The following CLIC4 variants were observed in gnomAD, a reference collection of about 807,000 sequenced individuals.
CLIC4 encodes the protein chloride intracellular channel protein 4.
Under a neutral mutation model 24.6 loss-of-function variants are expected in CLIC4, and 13 were observed. The observed-to-expected ratio is 0.53, with a 90% CI of 0.34 to 0.84. The LOEUF (loss-of-function observed/expected upper bound fraction) is 0.84, where lower values mean the gene tolerates loss of function less well. Among genes scored for constraint, CLIC4 ranks in the 40% least tolerant of loss-of-function variants. The pLI, the probability that CLIC4 is intolerant of heterozygous loss-of-function variation, is 0.01. For synonymous variants in CLIC4, 104 were observed against 111.3 expected, an observed-to-expected ratio of 0.93 and a Z score of 0.41; for missense variants, 227 against 301.7, an observed-to-expected ratio of 0.75 and a Z score of 1.83.
At chr1:24,819,395 A>G (rs914212970) in intron 3 of CLIC4, among the ~76,000 whole-genome samples, 2 of 152,160 alleles carry the variant, frequency 1.3e-5, no homozygotes, top group Non-Finnish European at 2.9e-5. Flanking sequence ...TATACGTCTC[A>G]GTAGGGTACT....
chr1:24,831,128 C>T lies in CLIC4; in HGVS notation c.415+4012C>T, dbSNP rs76212801. On this transcript the variant is annotated intron_variant, in intron 4 of 5. Coordinates refer to ENST00000374379, the MANE Select transcript of CLIC4 (RefSeq NM_013943.3). ...TATGAAAAATTACTAACACCGTAGTCAGGTATAGCAATTCGACTTCATCAG... is the reference window on the plus strand; with the variant it reads ...TATGAAAAATTACTAACACCGTAGTTAGGTATAGCAATTCGACTTCATCAG... Among the ~76,000 whole-genome samples the T allele has an allele frequency of 4.7e-3, 710 of 152,280 alleles. 4 individuals are homozygous for T. The highest frequency in any genetic ancestry group is 0.016 in the African/African-American group (664 of 41,554).
intron 2 of CLIC4, among the ~76,000 whole-genome samples, chr1:24,807,522 G>A (rs542913864): frequency 2.0e-5 from 3 of 152,178 alleles, no homozygotes; most frequent in Admixed American, 1.3e-4. Flanking sequence ...GGGTTAGACC[G>A]CACAGACTAA....
intron 2 of CLIC4, among the ~76,000 whole-genome samples, chr1:24,798,269 T>G (rs1024552042): frequency 1.3e-5 from 2 of 152,216 alleles, no homozygotes; most frequent in African/African-American, 4.8e-5. Flanking sequence ...TTGAATACCG[T>G]TGTTGTCAAT....
chr1:24,759,996 T>C (rs1431704291), intron 1 of CLIC4, among the ~76,000 whole-genome samples: 1 of 152,154 alleles, frequency 6.6e-6, no homozygotes, highest in Admixed American at 6.6e-5. Context: ...TTTTATCTTT[T>C]CCCTCAATAA....
chr1:24,756,925 C>T (rs1025132776), intron 1 of CLIC4, among the ~76,000 whole-genome samples: 12 of 147,562 alleles, frequency 8.1e-5, no homozygotes, highest in Admixed American at 2.1e-4. Context: ...GACGGAGTTT[C>T]GCTCTTGTTG....
At chr1:24,828,259 G>A (rs1212827993) in intron 4 of CLIC4, among the ~76,000 whole-genome samples, 17 of 152,020 alleles carry the variant, frequency 1.1e-4, no homozygotes, top group Admixed American at 1.1e-3. Flanking sequence ...TTTTTCTACA[G>A]TGAAGGGAAA....
intron 1 of CLIC4, among the ~76,000 whole-genome samples, chr1:24,751,496 C>A (rs1465936435): frequency 2.0e-5 from 3 of 152,168 alleles, no homozygotes; most frequent in Admixed American, 6.5e-5. Context: ...GCTCGGCCTC[C>A]CAAAGTGCTG....
chr1:24,797,934 T>C (rs967003288), intron 2 of CLIC4, 83 bp downstream of exon 2: 22 of 898,366 alleles, frequency 2.4e-5, no homozygotes, highest in Non-Finnish European at 3.4e-5. Flanking sequence ...ATGGCACATA[T>C]TCTCTAAAGG....
chr1:24,772,486 A>G (rs1639081487), intron 1 of CLIC4, among the ~76,000 whole-genome samples: 1 of 152,186 alleles, frequency 6.6e-6, no homozygotes, highest in South Asian at 2.1e-4. Flanking sequence ...CTAATTTTGT[A>G]ATGTATATAT....
intron 1 of CLIC4, among the ~76,000 whole-genome samples, chr1:24,752,586 GGA>G (rs1638790829): frequency 6.6e-6 from 1 of 152,152 alleles, no homozygotes; most frequent in African/African-American, 2.4e-5. Context: ...ACATTCTATT[GGA>G]GAGAACTTAA....
chr1:24,755,662 G>GT (rs1344826609), intron 1 of CLIC4, among the ~76,000 whole-genome samples: 1 of 150,424 alleles, frequency 6.6e-6, no homozygotes, highest in Non-Finnish European at 1.5e-5. Context: ...TATGGTTTCT[G>GT]TTTTTTCCTT....
intron 1 of CLIC4, among the ~76,000 whole-genome samples, chr1:24,762,767 T>G (rs1489581724): frequency 6.6e-6 from 1 of 151,856 alleles, no homozygotes; most frequent in Non-Finnish European, 1.5e-5. Context: ...GGTAGAAGAA[T>G]GAAATAGGAA....
At chr1:24,840,406 G>A (rs1178074015) in intron 5 of CLIC4, among the ~76,000 whole-genome samples, 3 of 152,154 alleles carry the variant, frequency 2.0e-5, no homozygotes, top group Non-Finnish European at 4.4e-5. Flanking sequence ...GAGACACTGG[G>A]CTGGGCACAT....
chr1:24,759,970 C>T (rs1016233959), intron 1 of CLIC4, among the ~76,000 whole-genome samples: 3 of 151,862 alleles, frequency 2.0e-5, no homozygotes, highest in Admixed American at 2.0e-4. Context: ...CAAAAAAAAA[C>T]CAAACCAAAA....
chr1:24,785,854 C>CAAAAAAAACAAAAA (rs1639259892), intron 1 of CLIC4, among the ~76,000 whole-genome samples: 1 of 58,852 alleles, frequency 1.7e-5, no homozygotes, highest in Admixed American at 2.4e-4. Flanking sequence ...GACTACAACT[C>CAAAAAAAACAAAAA]AAAAAAAAAA....
Position 24,745,448 on chromosome 1 carries a change from G to C in CLIC4, c.-106G>C, listed in dbSNP as rs570412906. On this transcript the variant is annotated 5_prime_UTR_variant, in exon 1 of 6. Coordinates refer to ENST00000374379, the MANE Select transcript of CLIC4 (RefSeq NM_013943.3). Reference sequence around the variant, plus strand: ...GCCGTGGCCAGCTCGACGCCGGACAGTCCAGCGAGCAGCACGGCGGGAACC... The same window carrying C: ...GCCGTGGCCAGCTCGACGCCGGACACTCCAGCGAGCAGCACGGCGGGAACC... The C allele has an allele frequency of 2.9e-6, 3 of 1,041,106 alleles. No individual in the cohort carries two copies. Among genetic ancestry groups the C allele is most frequent in the South Asian group, 1.5e-5 (1 of 66,636 alleles). 64.5% of individuals were successfully genotyped at this position (1,041,106 alleles called of 1,614,324 possible).
chr1:24,773,158 G>A (rs781763508), intron 1 of CLIC4, among the ~76,000 whole-genome samples: 2 of 151,760 alleles, frequency 1.3e-5, no homozygotes, highest in African/African-American at 2.4e-5. Context: ...CACTTCACCT[G>A]GAATGTAATC....
At chr1:24,771,767 T>C (rs1639073536) in intron 1 of CLIC4, 2 of 422,102 alleles carry the variant, frequency 4.7e-6, no homozygotes, top group South Asian at 3.6e-5. Context: ...AACTAGCTAC[T>C]CACTATATAG....
At chr1:24,796,014 G>T (rs1305725090) in intron 1 of CLIC4, among the ~76,000 whole-genome samples, 10 of 152,102 alleles carry the variant, frequency 6.6e-5, no homozygotes, top group Non-Finnish European at 1.5e-4. Flanking sequence ...CTTTGCCTTT[G>T]CCCTGAGGCA....
Sources: gnomAD v4.1 joint callset for allele counts (sites outside exome capture counted in the v4.1 genomes callset) on GRCh38, gnomAD v4.1.1 for gene constraint, MANE v1.5 for transcripts, NCBI Gene and HGNC (gene_info 2026-07-23, HGNC 2026-07-21) for gene names.